Variants in CHRM3 observed in about 807,000 individuals in gnomAD.
CHRM3 encodes cholinergic receptor muscarinic 3.
A neutral mutation model predicts 41.8 loss-of-function variants in CHRM3; 11 were observed. The ratio of observed to expected loss-of-function variants is 0.26; its 90% CI spans 0.17 to 0.44. The LOEUF is 0.44. Among genes scored for constraint, CHRM3 ranks in the 20% least tolerant of loss-of-function variants. The pLI is 1.00. For missense variants in CHRM3, 571 were observed against 745.4 expected, an observed-to-expected ratio of 0.77 and a Z score of 2.72; for synonymous variants, 297 against 301.4, an observed-to-expected ratio of 0.99 and a Z score of 0.15.
chr1:239,893,588 G>T (rs1678728785), intron 6 of CHRM3, among the ~76,000 whole-genome samples: 1 of 152,094 alleles, frequency 6.6e-6, no homozygotes, highest in African/African-American at 2.4e-5. Context: ...TGGATGAAAT[G>T]AGTCACTACA....
chr1:239,873,769 G>C (rs1335470411), intron 6 of CHRM3, among the ~76,000 whole-genome samples: 1 of 152,086 alleles, frequency 6.6e-6, no homozygotes, highest in African/African-American at 2.4e-5. Context: ...AATCCTCCCT[G>C]CTGCCATACT....
intron 4 of CHRM3, among the ~76,000 whole-genome samples, chr1:239,643,230 G>T (rs1209406513): frequency 2.6e-5 from 4 of 152,190 alleles, no homozygotes; most frequent in Non-Finnish European, 4.4e-5. Flanking sequence ...GGGACCCACT[G>T]GAGGAGGCAG....
chr1:239,797,519 TG>T (rs1220837112), intron 5 of CHRM3, among the ~76,000 whole-genome samples: 1 of 152,044 alleles, frequency 6.6e-6, no homozygotes. Context: ...ATAATAGAAA[TG>T]ACTTTATGTG....
rs1284254494 is a variant in CHRM3, at chr1:239,416,279, G to T, written c.-521+29052G>T. Among the ~76,000 whole-genome samples the T allele has an allele frequency of 2.6e-5, 4 of 151,806 alleles. No individual in the cohort carries two copies. The East Asian group carries it at 7.8e-4, about 30-fold the overall frequency. On this transcript the variant is annotated intron_variant, in intron 1 of 6. Transcript: ENST00000676153. Reference sequence around the variant, plus strand: ...TTCAAACAAATGACCATATACTATCGATACAGGAACTAACCACGGGCATAT... The same window carrying T: ...TTCAAACAAATGACCATATACTATCTATACAGGAACTAACCACGGGCATAT...
chr1:239,597,147 T>C (rs1482363472), intron 3 of CHRM3, among the ~76,000 whole-genome samples: 1 of 152,196 alleles, frequency 6.6e-6, no homozygotes, highest in Non-Finnish European at 1.5e-5. Context: ...TTTGGGAATA[T>C]TCCTCTTTTT....
At chr1:239,761,250 A>G (rs686360) in intron 5 of CHRM3, among the ~76,000 whole-genome samples, 127,404 of 151,896 alleles carry the variant, frequency 0.84, 54,636 homozygotes, top group East Asian at 0.97. Context: ...TTTATGCCTT[A>G]TATGATTTTC....
At chr1:239,842,238 G>T (rs1487465272) in intron 6 of CHRM3, among the ~76,000 whole-genome samples, 3 of 149,764 alleles carry the variant, frequency 2.0e-5, no homozygotes, top group African/African-American at 4.9e-5. Context: ...GAGGGGGTTG[G>T]GGGGACAGAG....
intron 1 of CHRM3, among the ~76,000 whole-genome samples, chr1:239,395,289 G>A (rs1386699494): frequency 1.3e-5 from 2 of 151,942 alleles, no homozygotes; most frequent in Non-Finnish European, 2.9e-5. Context: ...CCCTTTCCAT[G>A]TGGGTCACTT....
At chr1:239,750,691 A>C (rs900138884) in intron 5 of CHRM3, among the ~76,000 whole-genome samples, 3 of 152,144 alleles carry the variant, frequency 2.0e-5, no homozygotes. Flanking sequence ...CAGATGCTAA[A>C]CTGTAACCAG....
intron 5 of CHRM3, among the ~76,000 whole-genome samples, chr1:239,743,654 T>G (rs1422536598): frequency 6.6e-6 from 1 of 152,094 alleles, no homozygotes; most frequent in Non-Finnish European, 1.5e-5. Flanking sequence ...CCAGTATGTG[T>G]GAATTACAGC....
intron 6 of CHRM3, among the ~76,000 whole-genome samples, chr1:239,859,819 T>TTATGTATATA (rs1553286826): frequency 7.6e-6 from 1 of 131,424 alleles, no homozygotes; most frequent in African/African-American, 3.0e-5. Flanking sequence ...TCTAAGTGTT[T>TTATGTATATA]TATATATATA....
intron 4 of CHRM3, among the ~76,000 whole-genome samples, chr1:239,656,994 G>A (rs563352914): frequency 6.6e-6 from 1 of 152,272 alleles, no homozygotes; most frequent in African/African-American, 2.4e-5. Context: ...TCATTAAAAA[G>A]AGCAACTAAT....
rs527761287 is a variant in CHRM3 at position 239,402,705 on chromosome 1, C to T, written c.-521+15478C>T. On this transcript the variant is annotated intron_variant, in intron 1 of 6. Coordinates refer to ENST00000676153, the MANE Select transcript of CHRM3 (RefSeq NM_001375978.1). ...TCCTCAGGAAAATATGGTCGTCCCT[C>T]AGTATCCAACGGGTATTGGCTCCAG... 2.0e-5 allele frequency among the ~76,000 whole-genome samples: 3 copies of T among 152,294 alleles called. No individual in the cohort carries two copies. In the East Asian group the frequency reaches 5.8e-4, roughly 29 times the overall value.
At chr1:239,594,200 G>A (rs1314649780) in intron 3 of CHRM3, among the ~76,000 whole-genome samples, 1 of 152,170 alleles carries the variant, frequency 6.6e-6, no homozygotes, top group Non-Finnish European at 1.5e-5. Context: ...ATCAGTAAGA[G>A]AACAAAGCTG....
At position 239,682,396 on chromosome 1, in the gene CHRM3, T is replaced by C. The variant is rs1263549161; in HGVS notation, c.-147+4108T>C. ...CTAATGTAAAGCACCATTTTTTTCT[T>C]CTAAATTCCTTATATTCTTGAATGT... On this transcript the variant is annotated intron_variant, in intron 5 of 6. Coordinates refer to ENST00000676153, the MANE Select transcript of CHRM3 (RefSeq NM_001375978.1). Among the ~76,000 whole-genome samples the C allele has an allele frequency of 2.6e-5, 4 of 152,330 alleles. No individual in the cohort carries two copies. In the East Asian group the frequency reaches 5.8e-4, roughly 22 times the overall value.
chr1:239,640,654 CT>C lies in CHRM3; in HGVS notation c.-250+8375del, dbSNP rs1158335162. Among the ~76,000 whole-genome samples the C allele has an allele frequency of 1.1e-4, 16 of 149,930 alleles. 1 individual carries two copies. The South Asian group carries it at 3.4e-3, about 32-fold the overall frequency. On this transcript the variant is annotated intron_variant, in intron 4 of 6. Transcript: ENST00000676153. ...TATTGTGTCTATTTGATCCTTCTCTCTTTTTTTCTTTATTAGTCTTGCTAGC... is the reference window on the plus strand; with the variant it reads ...TATTGTGTCTATTTGATCCTTCTCTCTTTTTTCTTTATTAGTCTTGCTAGC...
intron 5 of CHRM3, among the ~76,000 whole-genome samples, chr1:239,758,876 A>G (rs746037535): frequency 6.6e-6 from 1 of 152,172 alleles, no homozygotes; most frequent in Non-Finnish European, 1.5e-5. Context: ...ACTGTCACAG[A>G]AATGTAAGTG....
At position 239,594,389 on chromosome 1, in the gene CHRM3, G is replaced by T. The variant is rs41353749; in HGVS notation, c.-312-37835G>T. On this transcript the variant is annotated intron_variant, in intron 3 of 6. Coordinates refer to ENST00000676153, the MANE Select transcript of CHRM3 (RefSeq NM_001375978.1). ...AGAATACATTTTGCAAGCTGTTTGT[G>T]TTTATGAGAAGCATTGTTTGTATCC... Among the ~76,000 whole-genome samples the T allele has an allele frequency of 9.3e-3, 1,422 of 152,300 alleles. 19 individuals are homozygous for T. The highest frequency in any genetic ancestry group is 0.033 in the African/African-American group (1,356 of 41,570).
intron 4 of CHRM3, among the ~76,000 whole-genome samples, chr1:239,644,977 T>C (rs1671610971): frequency 6.6e-6 from 1 of 152,162 alleles, no homozygotes; most frequent in African/African-American, 2.4e-5. Context: ...CTCCTCTCTA[T>C]TGAACACCAT....
Sources: gnomAD v4.1 joint callset for allele counts (sites outside exome capture counted in the v4.1 genomes callset) on GRCh38, gnomAD v4.1.1 for gene constraint, MANE v1.5 for transcripts, NCBI Gene and HGNC (gene_info 2026-07-23, HGNC 2026-07-21) for gene names.